Variants in PHACTR1 observed in about 807,000 individuals in gnomAD.
The protein encoded by PHACTR1 is phosphatase and actin regulator 1.
PHACTR1 carries 16 observed loss-of-function variants against 69.2 expected under a neutral mutation model. The observed-to-expected ratio is 0.23, with a 90% CI of 0.16 to 0.35. PHACTR1 has a LOEUF of 0.35. PHACTR1 is among the 10% of genes least tolerant of loss of function. The probability of loss-of-function intolerance (pLI) is 1.00; values close to 1 mark genes in which losing one functional copy is unlikely to be tolerated. For synonymous variants in PHACTR1, 312 were observed against 284.5 expected (o/e 1.10, Z -0.97); for missense variants, 510 against 734.7 (o/e 0.69, Z 3.54).
At chr6:12,969,267 C>T (rs1562071061) in intron 4 of PHACTR1, among the ~76,000 whole-genome samples, 1 of 152,136 alleles carries the variant, frequency 6.6e-6, no homozygotes, top group Non-Finnish European at 1.5e-5. Context: ...TTATCTGAGT[C>T]GCTGAGTATT....
intron 4 of PHACTR1, among the ~76,000 whole-genome samples, chr6:12,771,184 G>C (rs73360022): frequency 6.6e-6 from 1 of 152,154 alleles, no homozygotes. Flanking sequence ...CATGATAAAG[G>C]CTTGAGTTAG....
At chr6:12,754,348 C>G (rs575310654) in intron 4 of PHACTR1, among the ~76,000 whole-genome samples, 2 of 152,212 alleles carry the variant, frequency 1.3e-5, no homozygotes, top group African/African-American at 4.8e-5. Flanking sequence ...AGGCATCCTC[C>G]TTCACTCTTT....
At chr6:13,155,619 G>A (rs894281873) in intron 5 of PHACTR1, among the ~76,000 whole-genome samples, 1 of 152,204 alleles carries the variant, frequency 6.6e-6, no homozygotes, top group Non-Finnish European at 1.5e-5. Flanking sequence ...GCTGGGCACA[G>A]TGGCTCACGC....
intron 7 of PHACTR1, among the ~76,000 whole-genome samples, chr6:13,199,052 C>T (rs1764825855): frequency 6.6e-6 from 1 of 152,086 alleles, no homozygotes; most frequent in East Asian, 1.9e-4. Flanking sequence ...GGGAATCTGC[C>T]TCTCCCAAGC....
intron 4 of PHACTR1, 21 bp downstream of exon 4, chr6:12,749,811 G>GCGACCC: frequency 6.4e-7 from 1 of 1,558,510 alleles, no homozygotes; most frequent in East Asian, 2.3e-5. Context: ...CCCTGGCGCC[G>GCGACCC]CGCCCCCGCC....
At position 13,206,156 on chromosome 6, in the gene PHACTR1, G is replaced by T; in HGVS notation, c.986+20G>T. ...GGAAAGGTAAAGGTGGGCACCAGGA[G>T]GGAGGACGGGAGGAGAGGGGTTGGC... is the stretch of plus-strand genomic sequence containing the variant. On this transcript the variant is annotated intron_variant, in intron 8 of 14. Coordinates refer to ENST00000332995, the MANE Select transcript of PHACTR1 (RefSeq NM_030948.6). 6.5e-7 allele frequency: 1 copy of T among 1,530,640 alleles called. No individual in the cohort carries two copies. Among genetic ancestry groups the T allele is most frequent in the East Asian group, 2.4e-5 (1 of 41,520 alleles). The allele number at this position is 1,530,640 out of a possible 1,614,324, so 94.8% of individuals were successfully genotyped here.
At chr6:13,140,276 C>T (rs904194702) in intron 5 of PHACTR1, among the ~76,000 whole-genome samples, 1 of 152,146 alleles carries the variant, frequency 6.6e-6, no homozygotes, top group Non-Finnish European at 1.5e-5. Context: ...AGCAATTCCA[C>T]TTCTGGGTAT....
chr6:12,764,883 T>C (rs1417295541), intron 4 of PHACTR1, among the ~76,000 whole-genome samples: 1 of 152,000 alleles, frequency 6.6e-6, no homozygotes, highest in African/African-American at 2.4e-5. Flanking sequence ...TGAGTGCTCT[T>C]GGTGGTGCTG....
At chr6:12,826,567 GA>G (rs1219333611) in intron 4 of PHACTR1, among the ~76,000 whole-genome samples, 1 of 152,136 alleles carries the variant, frequency 6.6e-6, no homozygotes, top group Non-Finnish European at 1.5e-5. Flanking sequence ...AAGCATACAG[GA>G]GTTCAAATTA....
chr6:12,898,344 A>G (rs1360922698), intron 4 of PHACTR1, among the ~76,000 whole-genome samples: 1 of 144,178 alleles, frequency 6.9e-6, no homozygotes, highest in Non-Finnish European at 1.6e-5. Flanking sequence ...GCTCCACTTC[A>G]TTCGAGCTTG....
intron 3 of PHACTR1, among the ~76,000 whole-genome samples, chr6:12,737,990 T>C (rs1764523167): frequency 6.6e-6 from 1 of 152,166 alleles, no homozygotes. Context: ...TGTATTTCAA[T>C]TTTGTCAGTT....
intron 4 of PHACTR1, among the ~76,000 whole-genome samples, chr6:12,971,512 C>T (rs2127581322): frequency 6.6e-6 from 1 of 152,224 alleles, no homozygotes; most frequent in Non-Finnish European, 1.5e-5. Context: ...TGACCCAGGA[C>T]AAAAGTCTGC....
intron 4 of PHACTR1, among the ~76,000 whole-genome samples, chr6:12,883,058 T>TGCCA (rs1175833842): frequency 6.6e-6 from 1 of 152,178 alleles, no homozygotes; most frequent in Non-Finnish European, 1.5e-5. Context: ...AATCAGAGGC[T>TGCCA]GCCAGCAGCA....
intron 4 of PHACTR1, among the ~76,000 whole-genome samples, chr6:12,983,898 A>G (rs1293238570): frequency 6.6e-6 from 1 of 152,204 alleles, no homozygotes; most frequent in East Asian, 1.9e-4. Context: ...ATCGCTGCAT[A>G]GTATTCCATG....
intron 4 of PHACTR1, among the ~76,000 whole-genome samples, chr6:12,972,323 T>A (rs1794312935): frequency 6.6e-6 from 1 of 152,216 alleles, no homozygotes; most frequent in Non-Finnish European, 1.5e-5. Context: ...GTGCATAGCA[T>A]GAGGTTGAAC....
chr6:12,978,620 C>T (rs1795161183), intron 4 of PHACTR1, among the ~76,000 whole-genome samples: 1 of 152,208 alleles, frequency 6.6e-6, no homozygotes, highest in Non-Finnish European at 1.5e-5. Flanking sequence ...TACGTTGTTG[C>T]TCTGATGAGC....
At chr6:12,881,065 A>G (rs73726206) in intron 4 of PHACTR1, among the ~76,000 whole-genome samples, 2,997 of 152,306 alleles carry the variant, frequency 0.02, 101 homozygotes, top group African/African-American at 0.069. Context: ...GAAGGTGTGT[A>G]AAGTACGAAG....
Position 12,977,335 on chromosome 6 carries a change from T to G in PHACTR1, c.251-76030T>G, listed in dbSNP as rs191853840. On this transcript the variant is annotated intron_variant, in intron 4 of 14. Coordinates refer to ENST00000332995, the MANE Select transcript of PHACTR1 (RefSeq NM_030948.6). ...ATAAGGAGGGACGGCTATATATTGC[T>G]GCTGTTCCTTTTCCTCCTCTTCCTT... Among the ~76,000 whole-genome samples, 13 of 151,980 alleles carry G rather than the reference T, an allele frequency of 8.6e-5. 1 individual carries two copies. The East Asian group carries it at 2.5e-3, about 29-fold the overall frequency.
At chr6:13,082,557 CCCA>C (rs1449287969) in intron 5 of PHACTR1, among the ~76,000 whole-genome samples, 1 of 152,180 alleles carries the variant, frequency 6.6e-6, no homozygotes, top group African/African-American at 2.4e-5. Flanking sequence ...AGTTTACAGT[CCCA>C]CCAACAGTGT....
Sources: gnomAD v4.1 joint callset for allele counts (sites outside exome capture counted in the v4.1 genomes callset) on GRCh38, gnomAD v4.1.1 for gene constraint, MANE v1.5 for transcripts, NCBI Gene and HGNC (gene_info 2026-07-23, HGNC 2026-07-21) for gene names.